The following EFNA5 variants were observed in gnomAD, a reference collection of about 807,000 sequenced individuals.
The protein encoded by EFNA5 is ephrin A5, also known as ephrin-A5.
A neutral mutation model predicts 22.9 loss-of-function variants in EFNA5; 5 were observed. The ratio of observed to expected loss-of-function variants is 0.22; its 90% CI spans 0.11 to 0.46. The LOEUF (loss-of-function observed/expected upper bound fraction) is 0.46, where lower values mean the gene tolerates loss of function less well. Among genes scored for constraint, EFNA5 ranks in the 20% least tolerant of loss-of-function variants. The probability of loss-of-function intolerance (pLI) is 0.99; values close to 1 mark genes in which losing one functional copy is unlikely to be tolerated. For missense variants in EFNA5, 237 were observed against 293.3 expected, an observed-to-expected ratio of 0.81 and a Z score of 1.40; for synonymous variants, 113 against 112.2, an observed-to-expected ratio of 1.01 and a Z score of -0.04.
intron 1 of EFNA5, among the ~76,000 whole-genome samples, chr5:107,442,904 C>T (rs1032658085): frequency 2.9e-5 from 4 of 138,044 alleles, no homozygotes; most frequent in African/African-American, 1.1e-4. Context: ...GAAAACTTCC[C>T]GAGGAGCGAA....
chr5:107,579,174 TA>T (rs1227221034), intron 1 of EFNA5, among the ~76,000 whole-genome samples: 1 of 152,108 alleles, frequency 6.6e-6, no homozygotes, highest in African/African-American at 2.4e-5. Flanking sequence ...AGAAGGACAT[TA>T]TAGTGCAAAA....
chr5:107,638,754 G>A (rs906386803), intron 1 of EFNA5, among the ~76,000 whole-genome samples: 2 of 151,976 alleles, frequency 1.3e-5, no homozygotes, highest in East Asian at 3.9e-4. Flanking sequence ...AATCCTCCAC[G>A]GATACCGAGG....
intron 1 of EFNA5, among the ~76,000 whole-genome samples, chr5:107,471,905 T>C (rs887145221): frequency 2.0e-5 from 3 of 152,228 alleles, no homozygotes; most frequent in Non-Finnish European, 4.4e-5. Flanking sequence ...TTACATGTAG[T>C]TGAAGATTTA....
chr5:107,572,478 A>C (rs1043579548), intron 1 of EFNA5, among the ~76,000 whole-genome samples: 3 of 152,180 alleles, frequency 2.0e-5, no homozygotes, highest in African/African-American at 7.2e-5. Flanking sequence ...GCTAGGGAGG[A>C]GGGGGCCGCC....
intron 2 of EFNA5, among the ~76,000 whole-genome samples, chr5:107,408,193 C>T (rs947992770): frequency 6.6e-6 from 1 of 150,546 alleles, no homozygotes; most frequent in Non-Finnish European, 1.5e-5. Flanking sequence ...ACACACCCAT[C>T]ACCATCACCA....
intron 4 of EFNA5, among the ~76,000 whole-genome samples, chr5:107,385,052 G>A (rs1189556662): frequency 6.6e-6 from 1 of 151,864 alleles, no homozygotes; most frequent in Non-Finnish European, 1.5e-5. Flanking sequence ...TTTCCTGCAT[G>A]TACACCTACG....
chr5:107,448,870 T>TAAAA lies in EFNA5; in HGVS notation c.126-21365_126-21362dup, dbSNP rs572968203. On this transcript the variant is annotated intron_variant, in intron 1 of 4. Transcript: ENST00000333274. ...ATAAATAAATAAATAAATAAATAAA[T>TAAAA]AAAATAAAATAAAAACAAAAATAAT... 1.2e-4 allele frequency among the ~76,000 whole-genome samples: 14 copies of TAAAA among 113,058 alleles called. No individual in the cohort carries two copies. In the South Asian group the frequency reaches 1.9e-3, roughly 15 times the overall value. 74.2% of individuals were successfully genotyped at this position (113,058 alleles called of 152,430 possible).
intron 1 of EFNA5, among the ~76,000 whole-genome samples, chr5:107,457,686 C>T (rs1370294430): frequency 1.3e-5 from 2 of 151,930 alleles, no homozygotes; most frequent in Non-Finnish European, 2.9e-5. Context: ...GAATAAGTTA[C>T]CTAGTTTAAA....
intron 1 of EFNA5, among the ~76,000 whole-genome samples, chr5:107,629,285 G>A (rs1006297964): frequency 6.6e-6 from 1 of 152,028 alleles, no homozygotes; most frequent in Non-Finnish European, 1.5e-5. Flanking sequence ...TACCCAAGGA[G>A]AAAAATATGA....
At chr5:107,642,756 T>C (rs2112545715) in intron 1 of EFNA5, among the ~76,000 whole-genome samples, 1 of 152,304 alleles carries the variant, frequency 6.6e-6, no homozygotes, top group Middle Eastern at 3.4e-3. Flanking sequence ...GGAGTGGTCA[T>C]GGTTTTTAAA....
At chr5:107,666,081 AAAGT>A (rs1751059117) in intron 1 of EFNA5, among the ~76,000 whole-genome samples, 1 of 152,166 alleles carries the variant, frequency 6.6e-6, no homozygotes, top group African/African-American at 2.4e-5. Context: ...TAAAATTTCA[AAAGT>A]AAGGACAATC....
At chr5:107,505,001 T>C (rs1322350212) in intron 1 of EFNA5, among the ~76,000 whole-genome samples, 4 of 152,178 alleles carry the variant, frequency 2.6e-5, no homozygotes, top group African/African-American at 9.7e-5. Flanking sequence ...AGCCTTTGTT[T>C]TTCCGTATCT....
chr5:107,661,400 G>A (rs1484443193), intron 1 of EFNA5, among the ~76,000 whole-genome samples: 1 of 152,214 alleles, frequency 6.6e-6, no homozygotes, highest in African/African-American at 2.4e-5. Flanking sequence ...TTGGAGGTCT[G>A]CAAATAGCTA....
intron 2 of EFNA5, among the ~76,000 whole-genome samples, chr5:107,421,023 T>C (rs1412921442): frequency 6.6e-6 from 1 of 152,212 alleles, no homozygotes; most frequent in Non-Finnish European, 1.5e-5. Context: ...TTTTACTGAA[T>C]ATTCTTATAC....
At chr5:107,464,946 A>T (rs1411644493) in intron 1 of EFNA5, among the ~76,000 whole-genome samples, 8 of 152,140 alleles carry the variant, frequency 5.3e-5, no homozygotes, top group African/African-American at 9.7e-5. Context: ...ATCTGTTTTT[A>T]ATGCAAAACT....
At chr5:107,535,457 CAT>C (rs1482337111) in intron 1 of EFNA5, among the ~76,000 whole-genome samples, 5 of 151,768 alleles carry the variant, frequency 3.3e-5, no homozygotes, top group African/African-American at 4.8e-5. Context: ...TGCAGAAAAA[CAT>C]AGAGTCAAAA....
intron 1 of EFNA5, among the ~76,000 whole-genome samples, chr5:107,494,989 T>C (rs560952594): frequency 6.6e-6 from 1 of 152,104 alleles, no homozygotes; most frequent in South Asian, 2.1e-4. Flanking sequence ...AGCTCAGGGA[T>C]TGTAAAAGCA....
At chr5:107,391,927 G>A (rs1441098115) in intron 2 of EFNA5, among the ~76,000 whole-genome samples, 2 of 152,104 alleles carry the variant, frequency 1.3e-5, no homozygotes, top group African/African-American at 2.4e-5. Flanking sequence ...CTCAGACAGG[G>A]GCTCTAACTT....
chr5:107,648,066 A>G (rs1037280694), intron 1 of EFNA5, among the ~76,000 whole-genome samples: 9 of 152,288 alleles, frequency 5.9e-5, no homozygotes, highest in South Asian at 2.1e-4. Flanking sequence ...TTAAAGTTTC[A>G]CTGAAAAAAA....
Sources: gnomAD v4.1 joint callset for allele counts (sites outside exome capture counted in the v4.1 genomes callset) on GRCh38, gnomAD v4.1.1 for gene constraint, MANE v1.5 for transcripts, NCBI Gene and HGNC (gene_info 2026-07-23, HGNC 2026-07-21) for gene names.